Variants in SEMA4G observed in about 807,000 individuals in gnomAD.
SEMA4G encodes semaphorin-4G.
In SEMA4G, 59 loss-of-function variants were observed where a neutral mutation model predicts 81.2. The observed-to-expected ratio is 0.73, with a 90% CI of 0.59 to 0.90. The LOEUF (loss-of-function observed/expected upper bound fraction) is 0.90, where lower values mean the gene tolerates loss of function less well. Ranked by LOEUF, SEMA4G falls within the 40% of genes least tolerant of loss-of-function variation. The pLI, the probability that SEMA4G is intolerant of heterozygous loss-of-function variation, is 0.00. For missense variants in SEMA4G, 952 were observed against 1,102.3 expected (o/e 0.86, Z 1.93); for synonymous variants, 404 against 433.9 (o/e 0.93, Z 0.86).
At chr10:100,983,445 C>A (rs149389232) in exon 14 of SEMA4G, 5 of 1,614,014 alleles carry the variant, frequency 3.1e-6, no homozygotes, top group Non-Finnish European at 3.4e-6. Flanking sequence ...GGGTGGCTAC[C>A]GTGTGGGCGT....
At chr10:100,971,061 GTA>G (rs1850616226), upstream of SEMA4G, among the ~76,000 whole-genome samples, 1 of 152,212 alleles carries the variant, frequency 6.6e-6, no homozygotes, top group African/African-American at 2.4e-5. Context: ...CTCCCTGTGA[GTA>G]TATGTGTGAA....
intron 3 of SEMA4G, among the ~76,000 whole-genome samples, chr10:100,976,506 T>G (rs1328711483): frequency 2.0e-5 from 3 of 152,086 alleles, no homozygotes; most frequent in Non-Finnish European, 4.4e-5. Context: ...TGCCACCACA[T>G]AGAGATGAGG....
Position 100,972,761 on chromosome 10 carries a change from A to C in SEMA4G, c.-152A>C. 3.0e-6 allele frequency: 2 copies of C among 658,588 alleles called. No individual in the cohort carries two copies. Among genetic ancestry groups the C allele is most frequent in the Non-Finnish European group, 4.9e-6 (2 of 404,752 alleles). 40.8% of individuals were successfully genotyped at this position (658,588 alleles called of 1,614,324 possible). On this transcript the variant is annotated 5_prime_UTR_variant, in exon 1 of 14. The change abolishes the stop of an existing upstream ORF in the 5' untranslated region. Coordinates refer to ENST00000370250, the Ensembl canonical transcript of SEMA4G. ...TTCCAGGACCCCCCATGGCCCCATGATTCCTTGACTCCTATGACCTTATGA... is the reference window on the plus strand; with the variant it reads ...TTCCAGGACCCCCCATGGCCCCATGCTTCCTTGACTCCTATGACCTTATGA...
exon 14 of SEMA4G, chr10:100,983,487 G>A (rs1851233038): frequency 6.2e-7 from 1 of 1,614,190 alleles, no homozygotes; most frequent in Non-Finnish European, 8.5e-7. Flanking sequence ...TGCACAGCCT[G>A]AGCACAGTGG....
intron 3 of SEMA4G, among the ~76,000 whole-genome samples, chr10:100,976,628 T>C (rs1299230302): frequency 6.6e-6 from 1 of 152,172 alleles, no homozygotes; most frequent in Non-Finnish European, 1.5e-5. Context: ...CTGGCTAGGT[T>C]TACATTTTTA....
chr10:100,970,983 C>T (rs548152008), upstream of SEMA4G, among the ~76,000 whole-genome samples: 72 of 152,292 alleles, frequency 4.7e-4, no homozygotes, highest in Middle Eastern at 3.4e-3. Context: ...GTAAATTCAA[C>T]GTCACATGTG....
At chr10:100,978,476 T>A (rs1564795040) in intron 5 of SEMA4G, 51 bp from the exon 7 acceptor site, 2 of 1,597,940 alleles carry the variant, frequency 1.3e-6, no homozygotes, top group Non-Finnish European at 1.7e-6. Context: ...ATATGTCATG[T>A]GCCCTGTTGA....
intron 10 of SEMA4G, 45 bp from the exon 12 acceptor site, chr10:100,980,533 C>T: frequency 6.6e-7 from 1 of 1,525,822 alleles, no homozygotes; most frequent in Non-Finnish European, 9.1e-7. Flanking sequence ...GTGCTGAGAG[C>T]AGATCCCATA....
chr10:100,972,037 T>C (rs562356010), upstream of SEMA4G, among the ~76,000 whole-genome samples: 11 of 152,006 alleles, frequency 7.2e-5, no homozygotes, highest in African/African-American at 2.4e-4. Flanking sequence ...CAAGAAGTTA[T>C]AATTAAAGAG....
exon 14 of SEMA4G, chr10:100,984,343 C>CGGTGCTCCTCAGAGGTA: frequency 6.9e-7 from 1 of 1,441,478 alleles, no homozygotes; most frequent in Non-Finnish European, 9.1e-7. Flanking sequence ...CCAGGCCCAT[C>CGGTGCTCCTCAGAGGTA]GGTGCTCCTC....
upstream of SEMA4G, among the ~76,000 whole-genome samples, chr10:100,970,134 G>A (rs894230134): frequency 1.3e-5 from 2 of 152,114 alleles, no homozygotes; most frequent in Non-Finnish European, 2.9e-5. Flanking sequence ...CTCCTCCCCA[G>A]TTCCCTCCAC....
At chr10:100,981,293 T>C (rs2133889472) in intron 13 of SEMA4G, 64 bp downstream of exon 14, 1 of 1,597,716 alleles carries the variant, frequency 6.3e-7, no homozygotes, top group Non-Finnish European at 8.6e-7. Context: ...TTTACTGCCA[T>C]GTGTACGTAT....
chr10:100,984,617 C>T, exon 14 of SEMA4G: 1 of 1,536,296 alleles, frequency 6.5e-7, no homozygotes, highest in East Asian at 2.4e-5. Context: ...CACATGCACA[C>T]ATGGAAGAAT....
At chr10:100,983,670 G>A in exon 14 of SEMA4G, 1 of 1,613,486 alleles carries the variant, frequency 6.2e-7, no homozygotes, top group South Asian at 1.1e-5. Flanking sequence ...CGCGCTTGGT[G>A]GCCTCTGCCT....
chr10:100,969,882 T>C (rs1026051483), upstream of SEMA4G: 7 of 455,672 alleles, frequency 1.5e-5, no homozygotes, highest in Admixed American at 1.6e-4. Flanking sequence ...TCCGGCGGGA[T>C]CGAAGGAGAG....
In SEMA4G at chr10:100,978,830, C is replaced by A; in HGVS notation, c.644-19C>A. The A allele has an allele frequency of 6.2e-7, 1 of 1,610,914 alleles. No individual in the cohort carries two copies. The highest frequency in any genetic ancestry group is 1.1e-5 in the South Asian group (1 of 90,834). On this transcript the variant is annotated intron_variant, in intron 6 of 13. Transcript: ENST00000370250. ...TCCCCAGCCTGTCTCAAAAGCCTCT[C>A]AAACTGCCTGACCCACAGATGCGGA...
intron 4 of SEMA4G, 180 bp downstream of exon 5, chr10:100,977,910 AACC>A (rs1454861148): frequency 1.7e-6 from 1 of 602,708 alleles, no homozygotes; most frequent in Non-Finnish European, 3.0e-6. Flanking sequence ...CCTTTGTAAA[AACC>A]ATGCAGTTTT....
At chr10:100,980,209 C>T (rs778460071) in exon 10 of SEMA4G, 1 of 1,614,274 alleles carries the variant, frequency 6.2e-7, no homozygotes, top group Non-Finnish European at 8.5e-7. Context: ...GTTGCACCCA[C>T]TGATGGCTCG....
At chr10:100,984,584 G>A in exon 14 of SEMA4G, 4 of 1,536,196 alleles carry the variant, frequency 2.6e-6, no homozygotes, top group South Asian at 1.2e-5. Flanking sequence ...ACCTCTGCCA[G>A]CCACCTAAGC....
Sources: gnomAD v4.1 joint callset for allele counts (sites outside exome capture counted in the v4.1 genomes callset) on GRCh38, gnomAD v4.1.1 for gene constraint, MANE v1.5 for transcripts, NCBI Gene and HGNC (gene_info 2026-07-23, HGNC 2026-07-21) for gene names.